SNX31: variants seen among roughly 807,000 people sequenced by gnomAD.
The protein encoded by SNX31 is sorting nexin-31.
SNX31 carries 58 observed loss-of-function variants against 65.4 expected under a neutral mutation model. The ratio of observed to expected loss-of-function variants is 0.89; its 90% CI spans 0.72 to 1.10. The LOEUF is 1.10. Ranked by LOEUF, SNX31 falls within the 50% of genes least tolerant of loss-of-function variation. The pLI, the probability that SNX31 is intolerant of heterozygous loss-of-function variation, is 0.00. For missense variants in SNX31, 523 were observed against 529.7 expected (o/e 0.99, Z 0.12); for synonymous variants, 181 against 190.1 (o/e 0.95, Z 0.39).
intron 1 of SNX31, among the ~76,000 whole-genome samples, chr8:100,655,753 A>G (rs181923152): frequency 6.6e-6 from 1 of 152,306 alleles, no homozygotes; most frequent in African/African-American, 2.4e-5. Context: ...GGAGGGAGGC[A>G]GCCTGATCTT....
Position 100,573,791 on chromosome 8 carries a change from C to G in SNX31, c.*74G>C. The stretch of plus-strand genomic sequence containing the variant: ...AATTTCCTCCACTGATGGTAGGTAG[C>G]CCACCTGAATCCCCAAGTTCTTTCA... On this transcript the variant is annotated 3_prime_UTR_variant, in exon 14 of 14. Coordinates refer to ENST00000311812, the MANE Select transcript of SNX31 (RefSeq NM_152628.4). 1 of 1,024,242 alleles carries G rather than the reference C, an allele frequency of 9.8e-7. No homozygotes were observed. Among genetic ancestry groups the G allele is most frequent in the Non-Finnish European group, 1.4e-6 (1 of 703,616 alleles). 63.4% of individuals were successfully genotyped at this position (1,024,242 alleles called of 1,614,324 possible).
rs955746171 is a variant in SNX31, at chr8:100,573,505, T to C, written c.*360A>G. ...GTAAATTCAAAACACATAAAAGACT[T>C]CATGAAGCCATATAAAGATCTATTT... On this transcript the variant is annotated 3_prime_UTR_variant, in exon 14 of 14. Coordinates refer to ENST00000311812, the MANE Select transcript of SNX31 (RefSeq NM_152628.4). 2 of 160,600 alleles carry C rather than the reference T, an allele frequency of 1.2e-5. No individual in the cohort carries two copies. The highest frequency in any genetic ancestry group is 4.8e-5 in the African/African-American group (2 of 41,840). 9.9% of individuals were successfully genotyped at this position (160,600 alleles called of 1,614,324 possible).
chr8:100,614,025 C>T lies in SNX31; in HGVS notation c.433-940G>A, dbSNP rs968760160. 6.6e-6 allele frequency among the ~76,000 whole-genome samples: 1 copy of T among 152,168 alleles called. No homozygotes were observed. The highest frequency in any genetic ancestry group is 2.4e-5 in the African/African-American group (1 of 41,430). ...TACAAATACCAGGCTCACAGGGGGC[C>T]TTCTCTTGTCAGAGATACATAAATT... On this transcript the variant is annotated intron_variant, in intron 5 of 13. Transcript: ENST00000311812. The surrounding 1 kb of genome is among the most constrained non-coding windows in gnomAD (Gnocchi z 5.1).
At chr8:100,641,565 A>AAAAAATATAT (rs1554587369) in intron 2 of SNX31, among the ~76,000 whole-genome samples, 4 of 32,106 alleles carry the variant, frequency 1.2e-4, no homozygotes, top group Non-Finnish European at 2.1e-4. Flanking sequence ...AAAAAAAAAA[A>AAAAAATATAT]ATATATATAT....
chr8:100,652,809 C>A (rs1283696538), upstream of SNX31, among the ~76,000 whole-genome samples: 3 of 152,030 alleles, frequency 2.0e-5, no homozygotes, highest in Admixed American at 6.6e-5. Flanking sequence ...CACGAGGGAG[C>A]CAGTGAGATG....
chr8:100,597,291 G>C (rs1230687777), intron 9 of SNX31, among the ~76,000 whole-genome samples: 2 of 151,890 alleles, frequency 1.3e-5, no homozygotes, highest in Non-Finnish European at 2.9e-5. Context: ...ACCCAGGCTG[G>C]CGTGCTGCGG....
At position 100,578,319 on chromosome 8, in the gene SNX31, G is replaced by C. The variant is rs1813217106; in HGVS notation, c.1171-1244C>G. The stretch of plus-strand genomic sequence containing the variant: ...TGCGTTAGGTACATAACTCAAGCAA[G>C]TTGCAGTATTTATTTACCCTACAAT... On this transcript the variant is annotated intron_variant, in intron 12 of 13. Coordinates refer to ENST00000311812, the MANE Select transcript of SNX31 (RefSeq NM_152628.4). This position sits in a 1 kb window ranked among gnomAD's most constrained non-coding sequence, Gnocchi z 4.7. 6.6e-6 allele frequency among the ~76,000 whole-genome samples: 1 copy of C among 152,186 alleles called. No individual in the cohort carries two copies. Among genetic ancestry groups the C allele is most frequent in the Non-Finnish European group, 1.5e-5 (1 of 68,014 alleles).
chr8:100,662,608 A>G (rs1809806064), intron 1 of SNX31, among the ~76,000 whole-genome samples: 1 of 152,182 alleles, frequency 6.6e-6, no homozygotes, highest in African/African-American at 2.4e-5. Context: ...GAGGCAGGAG[A>G]ATACCTTGAA....
intron 1 of SNX31, among the ~76,000 whole-genome samples, chr8:100,661,005 A>ATTTTTTTTTTTTTTTTTTTTT (rs1457172508): frequency 1.1e-5 from 1 of 93,942 alleles, no homozygotes. Context: ...AAGCAGGTCG[A>ATTTTTTTTTTTTTTTTTTTTT]TATTTTTTTT....
chr8:100,603,927 G>A (rs537020615), intron 8 of SNX31, among the ~76,000 whole-genome samples: 86 of 152,184 alleles, frequency 5.7e-4, no homozygotes, highest in African/African-American at 2.0e-3. Flanking sequence ...TAGTAGAGAC[G>A]GGGGTTCACC....
upstream of SNX31, among the ~76,000 whole-genome samples, chr8:100,650,442 C>T (rs778198638): frequency 6.6e-6 from 1 of 152,116 alleles, no homozygotes; most frequent in Non-Finnish European, 1.5e-5. Context: ...TGTCCAAGCT[C>T]ACAGGGCATT....
At chr8:100,590,289 C>G (rs1814453342) in intron 10 of SNX31, among the ~76,000 whole-genome samples, 1 of 152,154 alleles carries the variant, frequency 6.6e-6, no homozygotes, top group South Asian at 2.1e-4. Context: ...CTAAGGGCAA[C>G]AGATTTTCTT....
At chr8:100,608,348 A>C in intron 8 of SNX31, 146 bp downstream of exon 8, 1 of 680,000 alleles carries the variant, frequency 1.5e-6, no homozygotes, top group Non-Finnish European at 2.5e-6. Flanking sequence ...AGCCCCTGGT[A>C]ATCTCTGTTC....
intron 3 of SNX31, among the ~76,000 whole-genome samples, chr8:100,634,636 C>T (rs1184609569): frequency 1.3e-5 from 2 of 151,880 alleles, no homozygotes; most frequent in Admixed American, 6.6e-5. Context: ...GTAATCCCAG[C>T]TACTAGAGAG....
At chr8:100,640,051 T>A (rs995872781) in intron 2 of SNX31, among the ~76,000 whole-genome samples, 7 of 152,316 alleles carry the variant, frequency 4.6e-5, no homozygotes, top group African/African-American at 1.7e-4. Flanking sequence ...CATGAGTCCT[T>A]ACAGACTTGT....
At position 100,613,108 on chromosome 8, in the gene SNX31, A is replaced by AG; in HGVS notation, c.433-24dup. The AG allele has an allele frequency of 1.2e-6, 2 of 1,606,086 alleles. No individual in the cohort carries two copies. On this transcript the variant is annotated intron_variant, in intron 5 of 13. Coordinates refer to ENST00000311812, the MANE Select transcript of SNX31 (RefSeq NM_152628.4). The surrounding 1 kb of genome is among the most constrained non-coding windows in gnomAD (Gnocchi z 5.2). ...CACCTTTAACCAGAAACAAGCAGAA[A>AG]GGGAAAAAGTTAGGTGTGCCCACCA...
chr8:100,618,590 T>C, intron 4 of SNX31: 1 of 541,820 alleles, frequency 1.8e-6, no homozygotes. Flanking sequence ...GGGCCCAAGT[T>C]ACCCACATTT....
In SNX31 at chr8:100,596,659, A is replaced by G; in HGVS notation, c.958T>C (p.Cys320Arg). The G allele has an allele frequency of 6.2e-7, 1 of 1,614,164 alleles. No individual in the cohort carries two copies. Among genetic ancestry groups the G allele is most frequent in the Non-Finnish European group, 8.5e-7 (1 of 1,180,014 alleles). ...CTCACAAGGAAAGTGACCTGCCAGC[A>G]CTTCACCCTGCTCATCTGGAAAACG... ...DIVFQMSRVK[C>R]WQVTFLGTLL... The change falls in exon 10 of 14, where the codon TGC (cysteine) becomes CGC (arginine). Residue 320 changes from cysteine to arginine, a missense_variant. By Grantham distance (180) the Cys-to-Arg change is radical (BLOSUM62 -3). Coordinates refer to ENST00000311812, the MANE Select transcript of SNX31 (RefSeq NM_152628.4).
intron 2 of SNX31, among the ~76,000 whole-genome samples, chr8:100,638,501 T>C (rs1456148821): frequency 6.6e-6 from 1 of 152,238 alleles, no homozygotes; most frequent in African/African-American, 2.4e-5. Flanking sequence ...ATTAACTGCC[T>C]GCCCGTGGGC....
Sources: gnomAD v4.1 joint callset for allele counts (sites outside exome capture counted in the v4.1 genomes callset) on GRCh38, gnomAD v4.1.1 for gene constraint, Gnocchi (gnomAD v3.1) non-coding constraint, MANE v1.5 for transcripts, NCBI Gene and HGNC (gene_info 2026-07-23, HGNC 2026-07-21) for gene names.